COL19A1: variants seen among roughly 807,000 people sequenced by gnomAD.
The protein encoded by COL19A1 is collagen alpha-1(XIX) chain.
In COL19A1, 159 loss-of-function variants were observed where a neutral mutation model predicts 190.2. The observed-to-expected ratio is 0.84, with a 90% CI of 0.73 to 0.95. COL19A1 has a LOEUF of 0.95. Ranked by LOEUF, COL19A1 falls within the 40% of genes least tolerant of loss-of-function variation. The pLI is 0.00. For missense variants in COL19A1, 1,418 were observed against 1,431.9 expected (o/e 0.99, Z 0.16); for synonymous variants, 509 against 458.9 (o/e 1.11, Z -1.39).
At chr6:70,088,758 A>T (rs1191415551) in intron 15 of COL19A1, among the ~76,000 whole-genome samples, 1 of 152,158 alleles carries the variant, frequency 6.6e-6, no homozygotes. Flanking sequence ...TCTGTGTATA[A>T]TTTTTCTCTT....
At position 70,156,093 on chromosome 6, in the gene COL19A1, A is replaced by T. The variant is rs910834332; in HGVS notation, c.2080-34A>T. ...CTCACCTTTATAGACGGCTTTTATGACTCCCTCAGTAACCTTATCTTTATA... is the reference window on the plus strand; with the variant it reads ...CTCACCTTTATAGACGGCTTTTATGTCTCCCTCAGTAACCTTATCTTTATA... On this transcript the variant is annotated intron_variant, in intron 31 of 50. Coordinates refer to ENST00000620364, the MANE Select transcript of COL19A1 (RefSeq NM_001858.6). 5.0e-6 allele frequency: 8 copies of T among 1,590,070 alleles called. No individual in the cohort carries two copies. In the East Asian group the frequency reaches 1.8e-4, roughly 36 times the overall value.
chr6:70,156,965 T>C (rs1400413270), intron 34 of COL19A1, among the ~76,000 whole-genome samples: 1 of 152,156 alleles, frequency 6.6e-6, no homozygotes. Flanking sequence ...TTATAATTTT[T>C]CTGTTTTCAT....
At chr6:69,898,913 T>C (rs977384385) in intron 2 of COL19A1, 35 bp from the exon 3 acceptor site, 1 of 1,310,744 alleles carries the variant, frequency 7.6e-7, no homozygotes, top group South Asian at 1.2e-5. Context: ...TCATACATAA[T>C]GCAAATCCTC....
At chr6:70,091,476 T>A (rs112261415) in intron 15 of COL19A1, among the ~76,000 whole-genome samples, 3 of 152,122 alleles carry the variant, frequency 2.0e-5, no homozygotes, top group Non-Finnish European at 4.4e-5. Context: ...TAAATTAATT[T>A]ATGAACAATT....
intron 4 of COL19A1, among the ~76,000 whole-genome samples, chr6:69,921,880 G>T (rs1345014799): frequency 1.3e-5 from 2 of 151,822 alleles, no homozygotes; most frequent in East Asian, 3.8e-4. Context: ...AGCAAGTAAG[G>T]ATCAGCGATA....
rs2127539870 is a variant in COL19A1 at position 70,209,777 on chromosome 6, C to G, written c.*2503C>G. 1 of 152,288 alleles carries G rather than the reference C, an allele frequency of 6.6e-6. No homozygotes were observed. The highest frequency in any genetic ancestry group is 1.9e-4 in the East Asian group (1 of 5,186). The allele number at this position is 152,288 out of a possible 1,614,324, so 9.4% of individuals were successfully genotyped here. A position where few individuals can be genotyped will look rare whatever the true frequency, so the allele number is the denominator to read the frequency against. The stretch of plus-strand genomic sequence containing the variant: ...CATGGTACAAGCCTTTCTCACCCTA[C>G]TCTATTATTTACCTTCAGATACTTT... On this transcript the variant is annotated 3_prime_UTR_variant, in exon 51 of 51. Transcript: ENST00000620364.
At chr6:69,945,368 T>A (rs1461178718) in intron 9 of COL19A1, among the ~76,000 whole-genome samples, 1 of 151,822 alleles carries the variant, frequency 6.6e-6, no homozygotes, top group African/African-American at 2.4e-5. Context: ...TATAGAGGTT[T>A]TCATTTTGAG....
In COL19A1 at chr6:69,938,055, A is replaced by G; in HGVS notation, c.891A>G (p.Pro297=). Residue 297 remains proline, a synonymous_variant, in exon 9 of 51, where the codon CCA becomes CCG. Transcript: ENST00000620364. ...TTGCTCAGGGAGAAGCAGGATTACC[A>G]GGAGCTCCGGGTTCACCTGGGCAGA... ...CIPNKGEAGL[P]GAPGSPGQKG... 1.2e-6 allele frequency: 2 copies of G among 1,612,646 alleles called. No homozygotes were observed. Among genetic ancestry groups the G allele is most frequent in the Non-Finnish European group, 1.7e-6 (2 of 1,179,046 alleles).
At chr6:70,145,046 T>A (rs1786533386) in intron 25 of COL19A1, 39 bp downstream of exon 25, 1 of 1,346,664 alleles carries the variant, frequency 7.4e-7, no homozygotes, top group Non-Finnish European at 1.0e-6. Flanking sequence ...TTCTTGCAAG[T>A]TCATTAATTA....
At position 69,925,877 on chromosome 6, in the gene COL19A1, G is replaced by A. The variant is rs544115432; in HGVS notation, c.267-2032G>A. Among the ~76,000 whole-genome samples the A allele has an allele frequency of 7.0e-4, 106 of 152,136 alleles. 1 individual carries two copies. Among genetic ancestry groups the A allele is most frequent in the African/African-American group, 2.5e-3 (102 of 41,494 alleles). ...CAAATGGGAGTTCACTCATGATTTG[G>A]CTCTCTGTTTGTTTGTTATTGGTGT... On this transcript the variant is annotated intron_variant, in intron 4 of 50. Coordinates refer to ENST00000620364, the MANE Select transcript of COL19A1 (RefSeq NM_001858.6).
intron 23 of COL19A1, 109 bp downstream of exon 23, chr6:70,142,929 A>G (rs866537838): frequency 1.0e-5 from 10 of 1,001,076 alleles, no homozygotes; most frequent in South Asian, 7.8e-5. Context: ...TTTCCCAAAG[A>G]CATGGGTCAT....
intron 2 of COL19A1, among the ~76,000 whole-genome samples, chr6:69,891,458 A>C (rs1769343269): frequency 6.6e-6 from 1 of 152,110 alleles, no homozygotes; most frequent in Non-Finnish European, 1.5e-5. Context: ...ATGCATTTGA[A>C]AGGGGTACAG....
intron 2 of COL19A1, among the ~76,000 whole-genome samples, chr6:69,891,563 G>A (rs534266397): frequency 1.2e-4 from 19 of 152,142 alleles, no homozygotes; most frequent in Non-Finnish European, 2.4e-4. Flanking sequence ...ATGAGGGAGA[G>A]AGGGAAGAAT....
At position 70,135,470 on chromosome 6, in the gene COL19A1, C is replaced by T. The variant is rs140067471; in HGVS notation, c.1384-2215C>T. On this transcript the variant is annotated intron_variant, in intron 18 of 50. Coordinates refer to ENST00000620364, the MANE Select transcript of COL19A1 (RefSeq NM_001858.6). ...GTCAACTCATTAGCATACAAAAAGA[C>T]GCTTATTGCTTTGGGGATTCCAAGG... Among the ~76,000 whole-genome samples the T allele has an allele frequency of 1.3e-3, 203 of 152,206 alleles. 1 individual carries two copies. Among genetic ancestry groups the T allele is most frequent in the East Asian group, 3.9e-3 (20 of 5,178 alleles).
intron 11 of COL19A1, among the ~76,000 whole-genome samples, chr6:69,986,583 T>C (rs1311026930): frequency 2.0e-5 from 3 of 152,196 alleles, no homozygotes; most frequent in Admixed American, 2.0e-4. Flanking sequence ...AGAGCAGTTA[T>C]TTTAATGTGC....
At chr6:69,945,073 TCA>T (rs1773713071) in intron 9 of COL19A1, among the ~76,000 whole-genome samples, 1 of 151,900 alleles carries the variant, frequency 6.6e-6, no homozygotes, top group Non-Finnish European at 1.5e-5. Flanking sequence ...TGAAATTCTC[TCA>T]GAGTTTTATA....
Position 70,176,518 on chromosome 6 carries a change from A to C in COL19A1, c.2623-2A>C. ...AGTAGCAATGTTTTTAAATCCCAACAGGGAGATCGAGGCCCAGCAGGTCCC... is the reference window on the plus strand; with the variant it reads ...AGTAGCAATGTTTTTAAATCCCAACCGGGAGATCGAGGCCCAGCAGGTCCC... On this transcript the variant is annotated splice_acceptor_variant, in intron 41 of 50. Transcript: ENST00000620364. LOFTEE classifies it high-confidence loss of function. 6.2e-7 allele frequency: 1 copy of C among 1,613,652 alleles called. No individual in the cohort carries two copies. Among genetic ancestry groups the C allele is most frequent in the Non-Finnish European group, 8.5e-7 (1 of 1,179,744 alleles).
intron 40 of COL19A1, among the ~76,000 whole-genome samples, chr6:70,169,681 C>A (rs1454686446): frequency 6.6e-6 from 1 of 152,096 alleles, no homozygotes; most frequent in East Asian, 1.9e-4. Context: ...TTCTGTAATT[C>A]AGTTTCCTTT....
intron 11 of COL19A1, among the ~76,000 whole-genome samples, chr6:69,969,407 GA>G (rs1456961106): frequency 6.6e-6 from 1 of 152,066 alleles, no homozygotes; most frequent in Non-Finnish European, 1.5e-5. Flanking sequence ...TTAGCTCAGT[GA>G]TTTTTTTTTG....
Sources: gnomAD v4.1 joint callset for allele counts (sites outside exome capture counted in the v4.1 genomes callset) on GRCh38, gnomAD v4.1.1 for gene constraint, MANE v1.5 for transcripts, NCBI Gene and HGNC (gene_info 2026-07-23, HGNC 2026-07-21) for gene names.